Variants in DMRT1 observed in about 807,000 individuals in gnomAD.
DMRT1 encodes the protein doublesex- and mab-3-related transcription factor 1.
DMRT1 carries 7 observed loss-of-function variants against 32.3 expected under a neutral mutation model. The ratio of observed to expected loss-of-function variants is 0.22; its 90% confidence interval spans 0.12 to 0.41. The LOEUF is 0.41. Among genes scored for constraint, DMRT1 ranks in the 10% least tolerant of loss-of-function variants. The probability of loss-of-function intolerance (pLI) is 1.00; values close to 1 mark genes in which losing one functional copy is unlikely to be tolerated. For missense variants in DMRT1, 625 were observed against 500.5 expected (o/e 1.25, Z -2.37); for synonymous variants, 278 against 206.1 (o/e 1.35, Z -2.99).
chr9:857,031 C>G (rs1045431318), intron 2 of DMRT1, among the ~76,000 whole-genome samples: 1 of 152,140 alleles, frequency 6.6e-6, no homozygotes, highest in East Asian at 1.9e-4. Context: ...TGTTAATATT[C>G]AGGCTGGGTG....
intron 2 of DMRT1, among the ~76,000 whole-genome samples, chr9:866,719 G>C (rs934577734): frequency 6.6e-6 from 1 of 152,188 alleles, no homozygotes; most frequent in African/African-American, 2.4e-5. Flanking sequence ...TAGTGAGTTT[G>C]AGATGTGTGT....
In DMRT1 at chr9:909,694, T is replaced by C. The variant is rs185214291; in HGVS notation, c.823-7069T>C. Among the ~76,000 whole-genome samples the C allele has an allele frequency of 1.2e-3, 158 of 136,624 alleles. 1 individual carries two copies. The highest frequency in any genetic ancestry group is 6.5e-4 in the African/African-American group (23 of 35,520). 89.6% of individuals were successfully genotyped at this position (136,624 alleles called of 152,430 possible). ...CATTTAAAAGACTGTAAGCCACATA[T>C]GAATACCAAGGGAGTTTTTTTGTTT... On this transcript the variant is annotated intron_variant, in intron 3 of 4. Transcript: ENST00000382276.
intron 2 of DMRT1, among the ~76,000 whole-genome samples, chr9:866,901 G>T (rs1300516914): frequency 6.6e-6 from 1 of 152,274 alleles, no homozygotes; most frequent in Non-Finnish European, 1.5e-5. Flanking sequence ...AAGCCTTTTT[G>T]TGTGGCTTTG....
intron 4 of DMRT1, among the ~76,000 whole-genome samples, chr9:952,517 A>G (rs909425164): frequency 6.6e-6 from 1 of 152,248 alleles, no homozygotes; most frequent in African/African-American, 2.4e-5. Flanking sequence ...CTTGCGCCTA[A>G]CAGTGGAAAG....
At chr9:864,306 G>A (rs1815864036) in intron 2 of DMRT1, among the ~76,000 whole-genome samples, 1 of 150,756 alleles carries the variant, frequency 6.6e-6, no homozygotes, top group East Asian at 2.0e-4. Context: ...TCAGGTTCAA[G>A]CGATTCTCCA....
intron 3 of DMRT1, among the ~76,000 whole-genome samples, chr9:897,863 A>T (rs1272949151): frequency 6.6e-6 from 1 of 152,226 alleles, no homozygotes; most frequent in African/African-American, 2.4e-5. Flanking sequence ...TGACATGCGA[A>T]TATGGACCAA....
intron 2 of DMRT1, among the ~76,000 whole-genome samples, chr9:857,015 G>A (rs1166533528): frequency 6.6e-6 from 1 of 152,178 alleles, no homozygotes; most frequent in African/African-American, 2.4e-5. Flanking sequence ...ATTATCAATA[G>A]ATACATGTTA....
At chr9:850,887 G>C (rs149243745) in intron 2 of DMRT1, among the ~76,000 whole-genome samples, 1 of 152,046 alleles carries the variant, frequency 6.6e-6, no homozygotes, top group Non-Finnish European at 1.5e-5. Context: ...AAATTAGCTG[G>C]GCATGGTGGC....
chr9:861,489 T>A (rs1435529521), intron 2 of DMRT1, among the ~76,000 whole-genome samples: 1 of 152,246 alleles, frequency 6.6e-6, no homozygotes, highest in African/African-American at 2.4e-5. Context: ...ACAATAACAA[T>A]CTGATCTTTC....
At chr9:870,948 A>G (rs1376195827) in intron 2 of DMRT1, among the ~76,000 whole-genome samples, 2 of 151,124 alleles carry the variant, frequency 1.3e-5, no homozygotes, top group Non-Finnish European at 2.9e-5. Flanking sequence ...TCCTGGGCTC[A>G]GCTGATCCTC....
At chr9:938,505 T>A (rs138104758) in intron 4 of DMRT1, among the ~76,000 whole-genome samples, 2,062 of 152,310 alleles carry the variant, frequency 0.014, 19 homozygotes, top group Non-Finnish European at 0.019. Flanking sequence ...GTTAAATTTA[T>A]TTCTGAATAT....
rs897675961 is a variant in DMRT1, at chr9:967,928, CT to C, written c.968-53del. 2.1e-5 allele frequency: 31 copies of C among 1,506,232 alleles called. No homozygotes were observed. The African/African-American group carries it at 4.2e-4, about 21-fold the overall frequency. The allele number at this position is 1,506,232 out of a possible 1,614,324, so 93.3% of individuals were successfully genotyped here. On this transcript the variant is annotated intron_variant, in intron 4 of 4. Coordinates refer to ENST00000382276, the MANE Select transcript of DMRT1 (RefSeq NM_021951.3). ...ATAATGAATGTATAAAGACCAGCCA[CT>C]TTTAACATTACTCCCTTTCTCCCTT...
chr9:896,432 C>G (rs1349209261), intron 3 of DMRT1, among the ~76,000 whole-genome samples: 2 of 151,786 alleles, frequency 1.3e-5, no homozygotes, highest in East Asian at 1.9e-4. Context: ...GCACGCACCA[C>G]CACTCCTCGC....
At chr9:941,530 G>A (rs1819071702) in intron 4 of DMRT1, among the ~76,000 whole-genome samples, 1 of 152,188 alleles carries the variant, frequency 6.6e-6, no homozygotes, top group African/African-American at 2.4e-5. Context: ...GCTGGGTGTT[G>A]AGGGGAGGAC....
rs760899189 is a variant in DMRT1, at chr9:847,102, C to G, written c.497C>G (p.Ser166Cys). The G allele has an allele frequency of 1.1e-5, 18 of 1,613,644 alleles. No individual in the cohort carries two copies. Among genetic ancestry groups the G allele is most frequent in the Non-Finnish European group, 1.5e-5 (18 of 1,180,034 alleles). The change falls in exon 2 of 5, where the codon TCT becomes TGT. Residue 166 changes from serine (S) to cysteine (C), a missense_variant. Transcript: ENST00000382276. ...CTCATGACTGAGTGCAGTGGCACCTCTCAGCCACCGCCGGCCAGTGTCCCC... is the reference window on the plus strand; with the variant it reads ...CTCATGACTGAGTGCAGTGGCACCTGTCAGCCACCGCCGGCCAGTGTCCCC... ...PCLMTECSGT[S>C]QPPPASVPTT...
intron 4 of DMRT1, among the ~76,000 whole-genome samples, chr9:953,726 A>T (rs1463810087): frequency 6.6e-6 from 1 of 152,190 alleles, no homozygotes; most frequent in South Asian, 2.1e-4. Context: ...CATTCTTTCC[A>T]TGCATACTTA....
rs143001164 is a variant in DMRT1, at chr9:877,076, T to C, written c.539-16836T>C. ...TGGGTGTAGAAACAAGGGATGAAAT[T>C]ACCTCCAAGGACTTCTCTGTGGTCA... is the stretch of plus-strand genomic sequence containing the variant. On this transcript the variant is annotated intron_variant, in intron 2 of 4. Transcript: ENST00000382276. 9.3e-4 allele frequency among the ~76,000 whole-genome samples: 142 copies of C among 152,036 alleles called. 7 individuals carry two copies. In the South Asian group the frequency reaches 0.01, roughly 11 times the overall value.
intron 4 of DMRT1, among the ~76,000 whole-genome samples, chr9:932,200 C>A (rs1198044909): frequency 6.6e-6 from 1 of 152,192 alleles, no homozygotes; most frequent in Non-Finnish European, 1.5e-5. Context: ...CTCTGAATTT[C>A]AGAAAATTTC....
intron 4 of DMRT1, among the ~76,000 whole-genome samples, chr9:937,117 G>C (rs1311168066): frequency 2.6e-5 from 4 of 152,062 alleles, no homozygotes; most frequent in Admixed American, 6.6e-5. Flanking sequence ...TTTGCATCTG[G>C]CTTATTTCAC....
Sources: gnomAD v4.1 joint callset for allele counts (sites outside exome capture counted in the v4.1 genomes callset) on GRCh38, gnomAD v4.1.1 for gene constraint, MANE v1.5 for transcripts, NCBI Gene and HGNC (gene_info 2026-07-23, HGNC 2026-07-21) for gene names.